KCNAB1: variants seen among roughly 807,000 people sequenced by gnomAD.
The protein encoded by KCNAB1 is voltage-gated potassium channel subunit beta-1.
In KCNAB1, 35 loss-of-function variants were observed where a neutral mutation model predicts 64.6. That is an observed-to-expected ratio of 0.54 (90% CI 0.41 to 0.72). KCNAB1 has a LOEUF of 0.72. Among genes scored for constraint, KCNAB1 ranks in the 30% least tolerant of loss-of-function variants. KCNAB1 has a pLI of 0.00. For synonymous variants in KCNAB1, 177 were observed against 183.8 expected (o/e 0.96, Z 0.30); for missense variants, 401 against 512.9 (o/e 0.78, Z 2.11).
intron 1 of KCNAB1, among the ~76,000 whole-genome samples, chr3:156,380,821 G>T (rs1281033971): frequency 6.6e-6 from 1 of 152,096 alleles, no homozygotes; most frequent in Non-Finnish European, 1.5e-5. Context: ...AATAGATCTG[G>T]TCCCTGATTT....
At chr3:156,133,331 C>T (rs1714110241) in intron 1 of KCNAB1, among the ~76,000 whole-genome samples, 1 of 152,142 alleles carries the variant, frequency 6.6e-6, no homozygotes, top group South Asian at 2.1e-4. Context: ...ATTTTACTTT[C>T]CAGATGGTCA....
At chr3:156,367,980 T>TA (rs1200171585) in intron 1 of KCNAB1, among the ~76,000 whole-genome samples, 1 of 152,228 alleles carries the variant, frequency 6.6e-6, no homozygotes, top group African/African-American at 2.4e-5. Context: ...TTTGTTTGTA[T>TA]ATATGTTTGA....
intron 1 of KCNAB1, among the ~76,000 whole-genome samples, chr3:156,281,682 G>T (rs1576673868): frequency 6.6e-6 from 1 of 151,538 alleles, no homozygotes; most frequent in Admixed American, 6.6e-5. Flanking sequence ...CTTCTTCCTG[G>T]TTTAGTCTTG....
chr3:156,344,115 C>T (rs1724321290), intron 1 of KCNAB1, among the ~76,000 whole-genome samples: 1 of 152,146 alleles, frequency 6.6e-6, no homozygotes, highest in South Asian at 2.1e-4. Context: ...GCCACAGATA[C>T]CCCACCCCCA....
At chr3:156,535,475 G>A (rs1464663977) in intron 13 of KCNAB1, among the ~76,000 whole-genome samples, 1 of 152,132 alleles carries the variant, frequency 6.6e-6, no homozygotes, top group African/African-American at 2.4e-5. Flanking sequence ...CAGTCAGCAT[G>A]TCGGTGCAAA....
intron 8 of KCNAB1, among the ~76,000 whole-genome samples, chr3:156,500,397 C>T (rs2108365817): frequency 6.6e-6 from 1 of 152,138 alleles, no homozygotes; most frequent in Non-Finnish European, 1.5e-5. Flanking sequence ...TTAAGACTTC[C>T]AATTGAGTTT....
At chr3:156,308,432 G>A (rs1394708431) in intron 1 of KCNAB1, among the ~76,000 whole-genome samples, 1 of 152,182 alleles carries the variant, frequency 6.6e-6, no homozygotes, top group African/African-American at 2.4e-5. Context: ...TAGACTGTAG[G>A]GGCATAAGTG....
intron 1 of KCNAB1, among the ~76,000 whole-genome samples, chr3:156,234,747 T>C (rs1430570431): frequency 6.6e-6 from 1 of 152,178 alleles, no homozygotes; most frequent in African/African-American, 2.4e-5. Flanking sequence ...TTTGCTCTAG[T>C]TGCATTTAGC....
chr3:156,171,191 A>G (rs1482349069), intron 1 of KCNAB1, among the ~76,000 whole-genome samples: 1 of 147,484 alleles, frequency 6.8e-6, no homozygotes. Context: ...CTTCACGCAC[A>G]CATACACACA....
Position 156,508,025 on chromosome 3 carries a change from A to G in KCNAB1, c.659-6339A>G, listed in dbSNP as rs757370598. ...ATATTTACTGGAAATGTGAAAAATT[A>G]AGAACAAAATTGCATGTAATTCCAC... On this transcript the variant is annotated intron_variant, in intron 8 of 13. Coordinates refer to ENST00000490337, the MANE Select transcript of KCNAB1 (RefSeq NM_172160.3). This position sits in a 1 kb window ranked among gnomAD's most constrained non-coding sequence, Gnocchi z 4.1. Among the ~76,000 whole-genome samples the G allele has an allele frequency of 1.8e-4, 27 of 152,332 alleles. 1 individual carries two copies. The highest frequency in any genetic ancestry group is 3.2e-4 in the Non-Finnish European group (22 of 68,020).
At chr3:156,432,347 C>T (rs1247215484) in intron 2 of KCNAB1, among the ~76,000 whole-genome samples, 2 of 152,190 alleles carry the variant, frequency 1.3e-5, no homozygotes, top group African/African-American at 2.4e-5. Flanking sequence ...TATACTCTCT[C>T]GTTTCTATGT....
intron 1 of KCNAB1, among the ~76,000 whole-genome samples, chr3:156,295,934 G>C (rs1168744094): frequency 6.6e-6 from 1 of 152,112 alleles, no homozygotes; most frequent in Non-Finnish European, 1.5e-5. Context: ...AGTCTACTCT[G>C]CTATCAAACA....
chr3:156,393,682 T>G (rs1713215055), intron 1 of KCNAB1, among the ~76,000 whole-genome samples: 1 of 152,218 alleles, frequency 6.6e-6, no homozygotes, highest in African/African-American at 2.4e-5. Context: ...ATAAATTAAA[T>G]AATATCAGCC....
At chr3:156,365,761 G>T (rs1174696582) in intron 1 of KCNAB1, among the ~76,000 whole-genome samples, 1 of 152,090 alleles carries the variant, frequency 6.6e-6, no homozygotes, top group Non-Finnish European at 1.5e-5. Context: ...TTTGGTCCTG[G>T]CTTCAGCCTT....
intron 2 of KCNAB1, among the ~76,000 whole-genome samples, chr3:156,432,031 T>A (rs1161619919): frequency 6.6e-6 from 1 of 152,140 alleles, no homozygotes; most frequent in Non-Finnish European, 1.5e-5. Context: ...AGTAGGGAAG[T>A]GATTCATTCT....
chr3:156,463,872 TTG>T (rs913825892), intron 6 of KCNAB1, 126 bp downstream of exon 6: 7 of 677,188 alleles, frequency 1.0e-5, no homozygotes, highest in Non-Finnish European at 1.7e-5. Context: ...TGTTTTTTTT[TTG>T]TTTTTTTCTC....
intron 9 of KCNAB1, 45 bp from the exon 10 acceptor site, chr3:156,515,055 A>G (rs534247642): frequency 6.5e-7 from 1 of 1,537,336 alleles, no homozygotes; most frequent in African/African-American, 1.4e-5. Context: ...GCGAAGCCTT[A>G]TTTCTCATCA....
At chr3:156,253,885 C>T (rs1717963208) in intron 1 of KCNAB1, among the ~76,000 whole-genome samples, 1 of 152,182 alleles carries the variant, frequency 6.6e-6, no homozygotes, top group African/African-American at 2.4e-5. Context: ...CGGTCTAAAC[C>T]AAACATGGAG....
At chr3:156,368,993 A>G (rs1301612875) in intron 1 of KCNAB1, among the ~76,000 whole-genome samples, 1 of 152,048 alleles carries the variant, frequency 6.6e-6, no homozygotes, top group East Asian at 1.9e-4. Flanking sequence ...CAAATCTTCA[A>G]TGTACAACTT....
Sources: gnomAD v4.1 joint callset for allele counts (sites outside exome capture counted in the v4.1 genomes callset) on GRCh38, gnomAD v4.1.1 for gene constraint, Gnocchi (gnomAD v3.1) non-coding constraint, MANE v1.5 for transcripts, NCBI Gene and HGNC (gene_info 2026-07-23, HGNC 2026-07-21) for gene names.